FHAD1: variants seen among roughly 807,000 people sequenced by gnomAD.
FHAD1 encodes forkhead associated phosphopeptide binding domain 1.
A neutral mutation model predicts 191.3 loss-of-function variants in FHAD1; 146 were observed. The ratio of observed to expected loss-of-function variants is 0.76; its 90% CI spans 0.67 to 0.88. The LOEUF is 0.88. FHAD1 is among the 40% of genes least tolerant of loss of function. The pLI, the probability that FHAD1 is intolerant of heterozygous loss-of-function variation, is 0.00. For missense variants in FHAD1, 1,635 were observed against 1,785.8 expected, an observed-to-expected ratio of 0.92 and a Z score of 1.52; for synonymous variants, 616 against 672.3, an observed-to-expected ratio of 0.92 and a Z score of 1.29.
Position 15,301,277 on chromosome 1 carries a change from G to T in FHAD1, c.751G>T (p.Asp251Tyr). The change falls in exon 6 of 34, where the codon GAC becomes TAC. Residue 251 changes from aspartate to tyrosine, a missense_variant. Asp to Tyr is a radical substitution (Grantham distance 160). Transcript: ENST00000688493. ...TTATGAAATTGAATCCAAATACAAA[G>T]ACGTCATAATAGCAAACCTGCAGAA... ...SDYEIESKYKDVIIANLQNEV... is the reference protein window; with the variant it reads ...SDYEIESKYKYVIIANLQNEV... The T allele has an allele frequency of 3.9e-6, 6 of 1,551,760 alleles. No homozygotes were observed. In the South Asian group the frequency reaches 7.1e-5, roughly 18 times the overall value.
chr1:15,273,753 C>T (rs1657108342), intron 3 of FHAD1, among the ~76,000 whole-genome samples: 1 of 152,116 alleles, frequency 6.6e-6, no homozygotes, highest in African/African-American at 2.4e-5. Context: ...TGAAATTCAC[C>T]GTATTCACCG....
intron 10 of FHAD1, among the ~76,000 whole-genome samples, chr1:15,322,020 C>G (rs1676485590): frequency 6.6e-6 from 1 of 152,218 alleles, no homozygotes; most frequent in South Asian, 2.1e-4. Flanking sequence ...CTAACTATTG[C>G]ACCATTGTAT....
intron 16 of FHAD1, among the ~76,000 whole-genome samples, 189 bp from the exon 17 acceptor site, chr1:15,344,894 A>T (rs1310697105): frequency 2.0e-5 from 3 of 151,702 alleles, no homozygotes; most frequent in African/African-American, 7.3e-5. Flanking sequence ...GCTGGAAAGG[A>T]TCAACCTGGG....
chr1:15,269,519 G>A (rs1327288661), intron 2 of FHAD1, among the ~76,000 whole-genome samples: 2 of 152,188 alleles, frequency 1.3e-5, no homozygotes, highest in Non-Finnish European at 2.9e-5. Context: ...TGGTCTGAGA[G>A]CATATTCTAC....
intron 23 of FHAD1, among the ~76,000 whole-genome samples, chr1:15,362,935 C>A (rs1266778576): frequency 6.6e-6 from 1 of 152,232 alleles, no homozygotes; most frequent in African/African-American, 2.4e-5. Context: ...GGCCTGCTGC[C>A]TTCCCAGTGC....
chr1:15,311,884 G>A lies in FHAD1; in HGVS notation c.1040-1173G>A, dbSNP rs563780220. Among the ~76,000 whole-genome samples the A allele has an allele frequency of 8.5e-5, 13 of 152,274 alleles. No individual in the cohort carries two copies. The South Asian group carries it at 2.7e-3, about 32-fold the overall frequency. ...TTGGGAGTGACTTAGTCTGGCTCAG[G>A]GTCTCTCACGAGGTTGCAGGAGCTA... On this transcript the variant is annotated intron_variant, in intron 7 of 33. Coordinates refer to ENST00000688493, the MANE Select transcript of FHAD1 (RefSeq NM_001391957.1). The surrounding 1 kb of genome is among the most constrained non-coding windows in gnomAD (Gnocchi z 4.1).
chr1:15,383,240 C>T (rs922301081), intron 31 of FHAD1: 22 of 470,320 alleles, frequency 4.7e-5, no homozygotes, highest in Non-Finnish European at 8.8e-5. Flanking sequence ...GCTGTCCACT[C>T]TCGCTGTCGT....
intron 2 of FHAD1, among the ~76,000 whole-genome samples, chr1:15,262,387 G>A (rs1051460189): frequency 1.3e-5 from 2 of 152,150 alleles, no homozygotes; most frequent in Non-Finnish European, 2.9e-5. Context: ...GTTTACAGAT[G>A]AGGAAACTGA....
chr1:15,270,845 G>A (rs900184884), intron 2 of FHAD1, among the ~76,000 whole-genome samples: 1 of 151,800 alleles, frequency 6.6e-6, no homozygotes, highest in African/African-American at 2.4e-5. Context: ...TTTGAGACCA[G>A]CCTAGCCAGT....
chr1:15,385,411 A>G (rs1286725133), intron 31 of FHAD1, among the ~76,000 whole-genome samples: 1 of 152,170 alleles, frequency 6.6e-6, no homozygotes, highest in African/African-American at 2.4e-5. Context: ...TTTCAGAACT[A>G]TCCGCCCCTG....
chr1:15,389,447 C>CAAAAAAAAAAAAAAAAAAAAAAAAAA lies in FHAD1; in HGVS notation c.4269+1337_4269+1338insAAAAAAAAAAAAAAAAAAAAAAAAAA, dbSNP rs570569622. On this transcript the variant is annotated intron_variant, in intron 32 of 33. Transcript: ENST00000688493. The stretch of plus-strand genomic sequence containing the variant: ...TGAGCAACAGAGGAAGAACCTGTCT[C>CAAAAAAAAAAAAAAAAAAAAAAAAAA]AAAAAAAAAAAAAAAAAAAAACCTG... Among the ~76,000 whole-genome samples the CAAAAAAAAAAAAAAAAAAAAAAAAAA allele has an allele frequency of 2.5e-3, 138 of 54,194 alleles. 9 individuals are homozygous for CAAAAAAAAAAAAAAAAAAAAAAAAAA. Among genetic ancestry groups the CAAAAAAAAAAAAAAAAAAAAAAAAAA allele is most frequent in the African/African-American group, 5.0e-3 (65 of 12,896 alleles). 35.6% of individuals were successfully genotyped at this position (54,194 alleles called of 152,430 possible). A position where few individuals can be genotyped will look rare whatever the true frequency, so the allele number is the denominator to read the frequency against.
chr1:15,388,007 A>G lies in FHAD1; in HGVS notation c.4189-44A>G, dbSNP rs549525306. ...CCCAGATTGGAACGGGTAAGGACAC[A>G]CTAAGGTTAGCACTCTCTTGCTAAC... On this transcript the variant is annotated intron_variant, in intron 31 of 33. Coordinates refer to ENST00000688493, the MANE Select transcript of FHAD1 (RefSeq NM_001391957.1). 9 of 1,147,626 alleles carry G rather than the reference A, an allele frequency of 7.8e-6. No individual in the cohort carries two copies. In the East Asian group the frequency reaches 2.3e-4, roughly 29 times the overall value. 71.1% of individuals were successfully genotyped at this position (1,147,626 alleles called of 1,614,324 possible). A position where few individuals can be genotyped will look rare whatever the true frequency, so the allele number is the denominator to read the frequency against.
chr1:15,288,543 A>G (rs1436504099), intron 3 of FHAD1, among the ~76,000 whole-genome samples: 1 of 152,232 alleles, frequency 6.6e-6, no homozygotes, highest in Non-Finnish European at 1.5e-5. Context: ...ATGGACAGAA[A>G]GAGAAAAGGC....
intron 4 of FHAD1, among the ~76,000 whole-genome samples, chr1:15,293,299 C>T (rs949876213): frequency 1.3e-5 from 2 of 152,188 alleles, no homozygotes; most frequent in Non-Finnish European, 2.9e-5. Flanking sequence ...TCTTTTTCCA[C>T]CATGGATTAG....
intron 33 of FHAD1, among the ~76,000 whole-genome samples, chr1:15,393,892 C>A (rs1163226412): frequency 6.6e-6 from 1 of 152,092 alleles, no homozygotes; most frequent in Non-Finnish European, 1.5e-5. Flanking sequence ...ACTCCCAGTC[C>A]AAGCTCCAGG....
At chr1:15,293,597 A>C (rs1216864379) in intron 4 of FHAD1, among the ~76,000 whole-genome samples, 1 of 152,178 alleles carries the variant, frequency 6.6e-6, no homozygotes. Context: ...ACGCACCTGT[A>C]ATCCCAGCTA....
At chr1:15,334,058 C>T (rs1268024651) in intron 14 of FHAD1, 2 of 151,986 alleles carry the variant, frequency 1.3e-5, no homozygotes, top group African/African-American at 4.8e-5. Flanking sequence ...TCTCAAATTC[C>T]TGGGCTCAAT....
intron 4 of FHAD1, among the ~76,000 whole-genome samples, chr1:15,290,261 C>A (rs1331349372): frequency 6.6e-6 from 1 of 152,168 alleles, no homozygotes; most frequent in Non-Finnish European, 1.5e-5. Flanking sequence ...TTCCCCACTA[C>A]CCCCTTGAAA....
upstream of FHAD1, among the ~76,000 whole-genome samples, chr1:15,243,140 G>A (rs189644999): frequency 2.0e-5 from 3 of 152,328 alleles, no homozygotes; most frequent in Admixed American, 6.5e-5. Context: ...TGAAAGAGTC[G>A]ACATGAGACG....
Sources: allele counts gnomAD v4.1 joint callset (sites outside exome capture counted in the v4.1 genomes callset), GRCh38; gene constraint gnomAD v4.1.1; non-coding constraint Gnocchi (gnomAD v3.1); transcripts MANE v1.5; gene names NCBI Gene and HGNC (gene_info 2026-07-23, HGNC 2026-07-21).